The following CDK6 variants were observed in gnomAD, a reference collection of about 807,000 sequenced individuals.
CDK6 encodes cyclin-dependent kinase 6.
CDK6 carries 6 observed loss-of-function variants against 37.1 expected under a neutral mutation model. The observed-to-expected ratio is 0.16, with a 90% confidence interval of 0.09 to 0.32. The LOEUF (loss-of-function observed/expected upper bound fraction) is 0.32. CDK6 is among the 10% of genes least tolerant of loss of function. The pLI, the probability that CDK6 is intolerant of heterozygous loss-of-function variation, is 1.00. For missense variants in CDK6, 224 were observed against 418.9 expected (o/e 0.53, Z 4.06); for synonymous variants, 160 against 161.3 (o/e 0.99, Z 0.06).
At chr7:92,690,023 C>T (rs1259241865) in intron 4 of CDK6, among the ~76,000 whole-genome samples, 1 of 151,880 alleles carries the variant, frequency 6.6e-6, no homozygotes, top group East Asian at 1.9e-4. Context: ...CATATTAGAC[C>T]TTTGTTGGAT....
At chr7:92,777,309 C>A (rs995573845) in intron 2 of CDK6, among the ~76,000 whole-genome samples, 1 of 152,084 alleles carries the variant, frequency 6.6e-6, no homozygotes, top group African/African-American at 2.4e-5. Flanking sequence ...CTTGGCTCAC[C>A]ACAACCTCCG....
intron 5 of CDK6, among the ~76,000 whole-genome samples, chr7:92,670,622 G>A (rs1047688623): frequency 6.6e-6 from 1 of 152,112 alleles, no homozygotes; most frequent in Non-Finnish European, 1.5e-5. Flanking sequence ...TATATTATTT[G>A]GCTATTTCTT....
chr7:92,697,003 A>G (rs955051308), intron 4 of CDK6, among the ~76,000 whole-genome samples: 1 of 152,230 alleles, frequency 6.6e-6, no homozygotes, highest in African/African-American at 2.4e-5. Context: ...CCTGGCCTCT[A>G]CGTTACCAGG....
At chr7:92,771,232 A>T (rs1386525444) in intron 3 of CDK6, among the ~76,000 whole-genome samples, 2 of 150,424 alleles carry the variant, frequency 1.3e-5, no homozygotes, top group Non-Finnish European at 3.0e-5. Flanking sequence ...CTCAAAAAAA[A>T]AAAATAAATA....
intron 5 of CDK6, among the ~76,000 whole-genome samples, chr7:92,666,989 A>G (rs534326400): frequency 2.2e-4 from 33 of 152,262 alleles, no homozygotes; most frequent in South Asian, 1.9e-3. Flanking sequence ...CATGCATGTT[A>G]TTGCCCCTGA....
intron 4 of CDK6, among the ~76,000 whole-genome samples, chr7:92,688,632 C>CACACACAT (rs1562936434): frequency 1.4e-5 from 2 of 144,876 alleles, no homozygotes; most frequent in Non-Finnish European, 1.5e-5. Context: ...CACACACACA[C>CACACACAT]AGAGTTCTTA....
chr7:92,671,499 G>C lies in CDK6; in HGVS notation c.574C>G (p.Leu192Val), dbSNP rs2116603125. ...TLWYRAPEVL[L>V]QSSYATPVDL... Reference sequence around the variant, plus strand: ...ACGGGGGTGGCGTAGCTGGACTGGAGCAAGACTTCGGGTGCTCTGTACCAC... The same window carrying C: ...ACGGGGGTGGCGTAGCTGGACTGGACCAAGACTTCGGGTGCTCTGTACCAC... Residue 192 changes from leucine (L) to valine (V), a missense_variant, in exon 5 of 8, where the codon CTC (leucine) becomes GTC (valine). Coordinates refer to ENST00000424848, the MANE Select transcript of CDK6 (RefSeq NM_001145306.2). 1.9e-6 allele frequency: 3 copies of C among 1,586,124 alleles called. No individual in the cohort carries two copies. Among genetic ancestry groups the C allele is most frequent in the Non-Finnish European group, 2.6e-6 (3 of 1,166,238 alleles).
intron 4 of CDK6, among the ~76,000 whole-genome samples, chr7:92,706,680 T>C (rs1011170288): frequency 6.6e-6 from 1 of 152,194 alleles, no homozygotes; most frequent in Non-Finnish European, 1.5e-5. Context: ...GAACAAAGAC[T>C]GAAGAAACAC....
chr7:92,820,831 A>T (rs1801153731), intron 2 of CDK6, among the ~76,000 whole-genome samples: 2 of 152,050 alleles, frequency 1.3e-5, no homozygotes, highest in Non-Finnish European at 2.9e-5. Context: ...AAGCACCAAA[A>T]ACAGACAGTG....
At chr7:92,758,477 G>C (rs1799370425) in intron 3 of CDK6, among the ~76,000 whole-genome samples, 1 of 152,086 alleles carries the variant, frequency 6.6e-6, no homozygotes, top group African/African-American at 2.4e-5. Context: ...TCTCTATTCT[G>C]TTCCATTGGT....
intron 5 of CDK6, among the ~76,000 whole-genome samples, chr7:92,628,445 G>C (rs1392359248): frequency 6.6e-6 from 1 of 151,986 alleles, no homozygotes; most frequent in African/African-American, 2.4e-5. Flanking sequence ...CTGAGGACAG[G>C]GCCAACCCTC....
intron 5 of CDK6, among the ~76,000 whole-genome samples, chr7:92,632,779 A>T (rs1796082034): frequency 6.7e-6 from 1 of 150,232 alleles, no homozygotes; most frequent in South Asian, 2.1e-4. Flanking sequence ...AAAATAAAAA[A>T]TTTAAAAAGT....
At chr7:92,694,073 T>G (rs1797655421) in intron 4 of CDK6, among the ~76,000 whole-genome samples, 1 of 152,122 alleles carries the variant, frequency 6.6e-6, no homozygotes, top group Non-Finnish European at 1.5e-5. Context: ...CCACACAGTA[T>G]AGGGGGTATG....
rs185519140 is a variant in CDK6 at position 92,667,759 on chromosome 7, C to T, written c.647+3667G>A. 2.9e-3 allele frequency among the ~76,000 whole-genome samples: 434 copies of T among 151,902 alleles called. 1 individual carries two copies. The highest frequency in any genetic ancestry group is 9.9e-3 in the African/African-American group (412 of 41,408). ...TAGAGACAGGGTTTCGCCATGTTAC[C>T]CAGGCTGGTCTCGAACTCCAGAGCT... is the stretch of plus-strand genomic sequence containing the variant. On this transcript the variant is annotated intron_variant, in intron 5 of 7. Transcript: ENST00000424848.
At chr7:92,761,580 A>G (rs1206494289) in intron 3 of CDK6, among the ~76,000 whole-genome samples, 1 of 152,192 alleles carries the variant, frequency 6.6e-6, no homozygotes, top group Non-Finnish European at 1.5e-5. Flanking sequence ...CTGCTCTCCA[A>G]CTTACAAATA....
At chr7:92,823,245 T>A (rs76836410) in intron 2 of CDK6, among the ~76,000 whole-genome samples, 2,876 of 151,824 alleles carry the variant, frequency 0.019, 118 homozygotes, top group South Asian at 0.18. Flanking sequence ...TTCCATCACT[T>A]TGAGTCAGTC....
Position 92,833,575 on chromosome 7 carries a change from G to A in CDK6, c.-252C>T. 1 of 541,710 alleles carries A rather than the reference G, an allele frequency of 1.8e-6. No individual in the cohort carries two copies. Among genetic ancestry groups the A allele is most frequent in the South Asian group, 2.6e-5 (1 of 38,808 alleles). 33.6% of individuals were successfully genotyped at this position (541,710 alleles called of 1,614,324 possible). On this transcript the variant is annotated 5_prime_UTR_variant, in exon 2 of 8. Coordinates refer to ENST00000424848, the MANE Select transcript of CDK6 (RefSeq NM_001145306.2). This position sits in a 1 kb window ranked among gnomAD's most constrained non-coding sequence, Gnocchi z 6.1. ...CTCCGCCTGCAGAGTCGCCGCCGCC[G>A]CCGCCGCCGGAGGAGCGAGCCGATC...
chr7:92,724,720 C>T (rs925769573), intron 4 of CDK6, among the ~76,000 whole-genome samples: 6 of 151,870 alleles, frequency 4.0e-5, no homozygotes, highest in African/African-American at 9.7e-5. Flanking sequence ...ATGGACAATA[C>T]GGATTATTTT....
rs539017012 is a variant in CDK6 at position 92,835,465 on chromosome 7, C to G, written c.-368+1013G>C. Among the ~76,000 whole-genome samples the G allele has an allele frequency of 8.5e-5, 13 of 152,136 alleles. No homozygotes were observed. Among genetic ancestry groups the G allele is most frequent in the Admixed American group, 7.8e-4 (12 of 15,288 alleles). On this transcript the variant is annotated intron_variant, in intron 1 of 7. Transcript: ENST00000424848. This position sits in a 1 kb window ranked among gnomAD's most constrained non-coding sequence, Gnocchi z 4.2. ...GGGAGCAGCAATGCCTTTTCCCCCC[C>G]TCTCCTCCACTTTTTTTTGTTGTTG...
Sources: allele counts gnomAD v4.1 joint callset (sites outside exome capture counted in the v4.1 genomes callset), GRCh38; gene constraint gnomAD v4.1.1; non-coding constraint Gnocchi (gnomAD v3.1); transcripts MANE v1.5; gene names NCBI Gene and HGNC (gene_info 2026-07-23, HGNC 2026-07-21).